The following SLC25A36 variants were observed in gnomAD, a reference collection of about 807,000 sequenced individuals.
SLC25A36 encodes the protein solute carrier family 25 member 36.
Under a neutral mutation model 35.3 loss-of-function variants are expected in SLC25A36, and 24 were observed. That is an observed-to-expected ratio of 0.68 (90% CI 0.49 to 0.96). The LOEUF is 0.96. SLC25A36 is among the 40% of genes least tolerant of loss of function. The pLI, the probability that SLC25A36 is intolerant of heterozygous loss-of-function variation, is 0.00. For missense variants in SLC25A36, 294 were observed against 381.1 expected, an observed-to-expected ratio of 0.77 and a Z score of 1.90; for synonymous variants, 141 against 132.2, an observed-to-expected ratio of 1.07 and a Z score of -0.46.
At chr3:140,968,302 C>G (rs1934814392) in intron 4 of SLC25A36, 1 of 781,974 alleles carries the variant, frequency 1.3e-6, no homozygotes, top group Non-Finnish European at 1.6e-6. Flanking sequence ...TGGATTGTGT[C>G]TAGATTCTTT....
intron 4 of SLC25A36, chr3:140,966,681 G>A (rs1934768838): frequency 2.9e-6 from 1 of 341,126 alleles, no homozygotes; most frequent in South Asian, 2.3e-5. Context: ...CTTTAAGGCA[G>A]AATTGATCTT....
intron 5 of SLC25A36, 103 bp from the exon 6 acceptor site, chr3:140,973,613 T>G: frequency 2.4e-6 from 2 of 818,220 alleles, no homozygotes; most frequent in Non-Finnish European, 3.4e-6. Context: ...TAATTCTTCA[T>G]GAGTTAAAGA....
intron 1 of SLC25A36, among the ~76,000 whole-genome samples, chr3:140,944,157 C>T (rs918262887): frequency 6.6e-6 from 1 of 152,108 alleles, no homozygotes; most frequent in Non-Finnish European, 1.5e-5. Flanking sequence ...TTAAAAGAAC[C>T]AAGAGTAACC....
At chr3:140,963,281 A>T in intron 4 of SLC25A36, 54 bp downstream of exon 4, 1 of 1,059,436 alleles carries the variant, frequency 9.4e-7, no homozygotes, top group Non-Finnish European at 1.3e-6. Flanking sequence ...CTAGAGGCTT[A>T]ATATTGAATT....
At position 140,979,705 on chromosome 3, in the gene SLC25A36, T is replaced by C. The variant is rs1935140566; in HGVS notation, c.*3252T>C. On this transcript the variant is annotated 3_prime_UTR_variant, in exon 7 of 7. Transcript: ENST00000324194. ...CAAAATTCTGGTTTGACTCAGTTTT[T>C]GTGTTTATAAACTTTTGGAATGTGT... 1 of 152,204 alleles carries C rather than the reference T, an allele frequency of 6.6e-6. No individual in the cohort carries two copies. The highest frequency in any genetic ancestry group is 1.5e-5 in the Non-Finnish European group (1 of 68,018). The allele number at this position is 152,204 out of a possible 1,614,324, so 9.4% of individuals were successfully genotyped here.
intron 1 of SLC25A36, among the ~76,000 whole-genome samples, chr3:140,945,740 A>T (rs1053348023): frequency 8.5e-6 from 1 of 117,552 alleles, no homozygotes; most frequent in African/African-American, 3.6e-5. Flanking sequence ...ACTTGCAATT[A>T]AAAAAAAAAA....
At chr3:140,943,703 A>G (rs895420226) in intron 1 of SLC25A36, among the ~76,000 whole-genome samples, 4 of 130,490 alleles carry the variant, frequency 3.1e-5, no homozygotes, top group African/African-American at 1.2e-4. Context: ...AGGTTGTATT[A>G]TATGATCTCT....
chr3:140,973,651 ATATTT>A, intron 5 of SLC25A36, 60 bp from the exon 6 acceptor site: 1 of 1,143,220 alleles, frequency 8.7e-7, no homozygotes, highest in Non-Finnish European at 1.1e-6. Flanking sequence ...TTAGAATGAC[ATATTT>A]TATTATATTT....
chr3:140,971,306 A>C (rs1002235011), intron 5 of SLC25A36, among the ~76,000 whole-genome samples: 4 of 152,150 alleles, frequency 2.6e-5, no homozygotes, highest in Non-Finnish European at 2.9e-5. Flanking sequence ...CTTTCCTTAC[A>C]TGGGTACTTA....
chr3:140,976,521 A>AG lies in SLC25A36; in HGVS notation c.*69dup. ...ATTACAGTGGACCATGGGATACAGA[A>AG]GCCAGCATGGCAGACAGAAGAAAAA... On this transcript the variant is annotated 3_prime_UTR_variant, in exon 7 of 7. Transcript: ENST00000324194. 7.3e-7 allele frequency: 1 copy of AG among 1,364,468 alleles called. No homozygotes were observed. The highest frequency in any genetic ancestry group is 9.9e-7 in the Non-Finnish European group (1 of 1,008,676). 84.5% of individuals were successfully genotyped at this position (1,364,468 alleles called of 1,614,324 possible). A position where few individuals can be genotyped will look rare whatever the true frequency, so the allele number is the denominator to read the frequency against.
intron 1 of SLC25A36, among the ~76,000 whole-genome samples, chr3:140,943,004 A>G (rs1403739760): frequency 6.6e-6 from 1 of 152,216 alleles, no homozygotes; most frequent in Non-Finnish European, 1.5e-5. Flanking sequence ...ATGTGTGTGC[A>G]AGATTAGGAC....
chr3:140,975,000 G>A (rs889080925), intron 6 of SLC25A36, among the ~76,000 whole-genome samples: 1 of 150,828 alleles, frequency 6.6e-6, no homozygotes, highest in African/African-American at 2.4e-5. Flanking sequence ...GCCTGCTAAG[G>A]TGTAAGGAAC....
At chr3:140,949,867 A>G (rs533090424) in intron 1 of SLC25A36, among the ~76,000 whole-genome samples, 2 of 152,204 alleles carry the variant, frequency 1.3e-5, no homozygotes, top group African/African-American at 4.8e-5. Flanking sequence ...ACCTTGAACT[A>G]TGTTATTTAA....
Position 140,979,700 on chromosome 3 carries a change from G to A in SLC25A36, c.*3247G>A, listed in dbSNP as rs1438934643. On this transcript the variant is annotated 3_prime_UTR_variant, in exon 7 of 7. Transcript: ENST00000324194. The stretch of plus-strand genomic sequence containing the variant: ...AGAAACAAAATTCTGGTTTGACTCA[G>A]TTTTTGTGTTTATAAACTTTTGGAA... 2 of 152,098 alleles carry A rather than the reference G, an allele frequency of 1.3e-5. No homozygotes were observed. The highest frequency in any genetic ancestry group is 1.3e-4 in the Admixed American group (2 of 15,270). 9.4% of individuals were successfully genotyped at this position (152,098 alleles called of 1,614,324 possible). A position where few individuals can be genotyped will look rare whatever the true frequency, so the allele number is the denominator to read the frequency against.
intron 1 of SLC25A36, among the ~76,000 whole-genome samples, chr3:140,949,347 A>T (rs1297828137): frequency 6.6e-6 from 1 of 152,256 alleles, no homozygotes; most frequent in Admixed American, 6.5e-5. Context: ...ACATTCCAGT[A>T]AATTACCGAG....
chr3:140,955,654 G>A (rs548730033), intron 1 of SLC25A36, among the ~76,000 whole-genome samples: 16 of 152,084 alleles, frequency 1.1e-4, no homozygotes, highest in African/African-American at 3.4e-4. Context: ...AGTTTTCCAC[G>A]TGTAGGCCTG....
chr3:140,977,870 A>G lies in SLC25A36; in HGVS notation c.*1417A>G, dbSNP rs1019530335. 2 of 151,994 alleles carry G rather than the reference A, an allele frequency of 1.3e-5. No homozygotes were observed. Among genetic ancestry groups the G allele is most frequent in the South Asian group, 2.1e-4 (1 of 4,816 alleles). 9.4% of individuals were successfully genotyped at this position (151,994 alleles called of 1,614,324 possible). A position where few individuals can be genotyped will look rare whatever the true frequency, so the allele number is the denominator to read the frequency against. ...TAAAAGAATGACGCTTCGTGAAAGC[A>G]CTTTGTGGCCTTTTTTGGGGGGGAG... is the stretch of plus-strand genomic sequence containing the variant. On this transcript the variant is annotated 3_prime_UTR_variant, in exon 7 of 7. Transcript: ENST00000324194.
chr3:140,976,534 G>A lies in SLC25A36; in HGVS notation c.*81G>A. 1 of 1,231,036 alleles carries A rather than the reference G, an allele frequency of 8.1e-7. No homozygotes were observed. The highest frequency in any genetic ancestry group is 1.1e-6 in the Non-Finnish European group (1 of 905,492). 76.3% of individuals were successfully genotyped at this position (1,231,036 alleles called of 1,614,324 possible). A position where few individuals can be genotyped will look rare whatever the true frequency, so the allele number is the denominator to read the frequency against. On this transcript the variant is annotated 3_prime_UTR_variant, in exon 7 of 7. Transcript: ENST00000324194. Reference sequence around the variant, plus strand: ...ATGGGATACAGAAGCCAGCATGGCAGACAGAAGAAAAATAGTTTGGGAACA... The same window carrying A: ...ATGGGATACAGAAGCCAGCATGGCAAACAGAAGAAAAATAGTTTGGGAACA...
chr3:140,972,571 G>A (rs1021090492), intron 5 of SLC25A36, among the ~76,000 whole-genome samples: 5 of 151,804 alleles, frequency 3.3e-5, no homozygotes, highest in African/African-American at 4.8e-5. Context: ...AGGAGTTTGA[G>A]GCTGCAGTGA....
Sources: allele counts gnomAD v4.1 joint callset (sites outside exome capture counted in the v4.1 genomes callset), GRCh38; gene constraint gnomAD v4.1.1; transcripts MANE v1.5; gene names NCBI Gene and HGNC (gene_info 2026-07-23, HGNC 2026-07-21).